Variants in SV2C observed in about 807,000 individuals in gnomAD.
The protein encoded by SV2C is solute carrier family 22 member B3.
A neutral mutation model predicts 79.7 loss-of-function variants in SV2C; 49 were observed. That is an observed-to-expected ratio of 0.61 (90% CI 0.49 to 0.78). SV2C has a LOEUF of 0.78. SV2C is among the 30% of genes least tolerant of loss of function. SV2C has a pLI of 0.00. For missense variants in SV2C, 833 were observed against 912.9 expected, an observed-to-expected ratio of 0.91 and a Z score of 1.13; for synonymous variants, 334 against 333.2, an observed-to-expected ratio of 1.00 and a Z score of -0.03.
intron 12 of SV2C, among the ~76,000 whole-genome samples, chr5:76,309,744 G>T (rs1748353795): frequency 1.3e-5 from 2 of 150,680 alleles, no homozygotes; most frequent in Non-Finnish European, 1.5e-5. Context: ...TTAGGGGGAA[G>T]AAAAGAGGTT....
the SV2C span, among the ~76,000 whole-genome samples, chr5:75,946,350 C>T: frequency 2.9e-3 from 443 of 152,168 alleles, 2 homozygotes; most frequent in African/African-American, 9.6e-3. Flanking sequence ...ATTACCTTTG[C>T]TTGCATTTTT....
intron 4 of SV2C, among the ~76,000 whole-genome samples, chr5:76,275,127 T>C (rs1561294324): frequency 6.6e-6 from 1 of 152,186 alleles, no homozygotes; most frequent in Non-Finnish European, 1.5e-5. Flanking sequence ...GTTTGTGTCT[T>C]GTACCTAAAA....
At chr5:75,897,385 C>T in the SV2C span, among the ~76,000 whole-genome samples, 14 of 151,332 alleles carry the variant, frequency 9.3e-5, no homozygotes, top group East Asian at 1.9e-4. Flanking sequence ...TGTAGATATG[C>T]GGCGTTATTT....
intron 4 of SV2C, among the ~76,000 whole-genome samples, chr5:76,257,917 G>T (rs796901190): frequency 1.7e-5 from 2 of 120,624 alleles, no homozygotes; most frequent in Admixed American, 1.6e-4. Context: ...GGTGTGTGTG[G>T]TGTGTGTATG....
chr5:75,896,235 C>G, the SV2C span, among the ~76,000 whole-genome samples: 4 of 144,110 alleles, frequency 2.8e-5, no homozygotes, highest in Non-Finnish European at 4.5e-5. Context: ...CACAACAGTC[C>G]CCAGAGTGTG....
At chr5:75,907,342 G>A in the SV2C span, among the ~76,000 whole-genome samples, 1 of 152,166 alleles carries the variant, frequency 6.6e-6, no homozygotes, top group African/African-American at 2.4e-5. Context: ...AGCACTCTGA[G>A]GGCTTTATTA....
intron 4 of SV2C, among the ~76,000 whole-genome samples, chr5:76,282,847 T>C (rs562811614): frequency 6.6e-6 from 1 of 151,944 alleles, no homozygotes; most frequent in South Asian, 2.1e-4. Context: ...CCGTCTCTAC[T>C]AAAAATTCAA....
intron 3 of SV2C, among the ~76,000 whole-genome samples, chr5:76,196,193 A>G: frequency 6.6e-6 from 1 of 152,186 alleles, no homozygotes; most frequent in East Asian, 1.9e-4. Context: ...AGCATTTCCC[A>G]CAGCTCCTAT....
the SV2C span, among the ~76,000 whole-genome samples, chr5:75,916,901 C>T: frequency 6.6e-6 from 1 of 152,192 alleles, no homozygotes; most frequent in African/African-American, 2.4e-5. Context: ...CTGGGAGTAG[C>T]TTTCAGCCAA....
In SV2C at chr5:76,282,767, T is replaced by A. The variant is rs553516838; in HGVS notation, c.914-2395T>A. 2.3e-3 allele frequency among the ~76,000 whole-genome samples: 348 copies of A among 152,284 alleles called. 1 individual carries two copies. The highest frequency in any genetic ancestry group is 8.0e-3 in the African/African-American group (333 of 41,556). On this transcript the variant is annotated intron_variant, in intron 4 of 12. Transcript: ENST00000502798. ...GCTCACACTTGTAATCCCAGCACTTTGGGAGGCCGAGGCAGGCGGATCACT... is the reference window on the plus strand; with the variant it reads ...GCTCACACTTGTAATCCCAGCACTTAGGGAGGCCGAGGCAGGCGGATCACT...
intron 1 of SV2C, among the ~76,000 whole-genome samples, chr5:76,116,477 T>G (rs938520822): frequency 2.6e-5 from 4 of 152,314 alleles, no homozygotes; most frequent in Non-Finnish European, 5.9e-5. Context: ...CTCTGCCTTC[T>G]GCTCTTCCCA....
chr5:76,305,289 A>G (rs1748148726), intron 12 of SV2C, among the ~76,000 whole-genome samples: 1 of 152,148 alleles, frequency 6.6e-6, no homozygotes, highest in African/African-American at 2.4e-5. Flanking sequence ...TTACATTTGC[A>G]TTTACTGTGA....
At chr5:76,228,298 G>A (rs1264167495) in intron 4 of SV2C, among the ~76,000 whole-genome samples, 7 of 152,306 alleles carry the variant, frequency 4.6e-5, no homozygotes, top group South Asian at 2.1e-4. Flanking sequence ...CATGATAATG[G>A]TTTGAACAGG....
chr5:76,106,290 T>C (rs1747910162), intron 1 of SV2C, among the ~76,000 whole-genome samples: 1 of 152,146 alleles, frequency 6.6e-6, no homozygotes, highest in Non-Finnish European at 1.5e-5. Context: ...TGCTGTCTAC[T>C]ATCCCGTGCC....
chr5:76,194,079 G>C (rs1360362928), intron 2 of SV2C, among the ~76,000 whole-genome samples: 1 of 152,118 alleles, frequency 6.6e-6, no homozygotes, highest in African/African-American at 2.4e-5. Flanking sequence ...AGAGATCTTG[G>C]TTTACTGTTG....
At chr5:75,993,130 ATAAAG>A in the SV2C span, among the ~76,000 whole-genome samples, 4 of 152,096 alleles carry the variant, frequency 2.6e-5, no homozygotes, top group Non-Finnish European at 4.4e-5. Context: ...TTTTAGAGAA[ATAAAG>A]TAATTTAAAT....
At chr5:75,921,676 G>C in the SV2C span, 4 of 613,840 alleles carry the variant, frequency 6.5e-6, no homozygotes, top group Non-Finnish European at 1.2e-5. Flanking sequence ...TTATCTGTTG[G>C]TAAACAGCAA....
At chr5:75,870,054 C>T in the SV2C span, among the ~76,000 whole-genome samples, 1 of 152,074 alleles carries the variant, frequency 6.6e-6, no homozygotes, top group African/African-American at 2.4e-5. Flanking sequence ...CAAGCCCAGA[C>T]TGTGAAGACT....
chr5:76,020,986 T>C, the SV2C span, among the ~76,000 whole-genome samples: 1 of 152,206 alleles, frequency 6.6e-6, no homozygotes, highest in Non-Finnish European at 1.5e-5. Context: ...AAAATTTTAC[T>C]GCATCAGGTC....
Sources: gnomAD v4.1 joint callset for allele counts (sites outside exome capture counted in the v4.1 genomes callset) on GRCh38, gnomAD v4.1.1 for gene constraint, MANE v1.5 for transcripts, NCBI Gene and HGNC (gene_info 2026-07-23, HGNC 2026-07-21) for gene names.